The following IKZF5 variants were observed in gnomAD, a reference collection of about 807,000 sequenced individuals.
IKZF5 encodes zinc finger protein Pegasus.
IKZF5 carries 4 observed loss-of-function variants against 30.7 expected under a neutral mutation model. That is an observed-to-expected ratio of 0.13 (90% CI 0.06 to 0.30). The LOEUF (loss-of-function observed/expected upper bound fraction) is 0.30. IKZF5 is among the 10% of genes least tolerant of loss of function. The pLI is 1.00. For missense variants in IKZF5, 348 were observed against 525.5 expected, an observed-to-expected ratio of 0.66 and a Z score of 3.30; for synonymous variants, 148 against 179.6, an observed-to-expected ratio of 0.82 and a Z score of 1.41.
Position 122,994,616 on chromosome 10 carries a change from A to G in IKZF5, c.424T>C (p.Leu142=), listed in dbSNP as rs1271295579. Residue 142 remains leucine (L), a synonymous_variant, in exon 5 of 5, where the codon TTA becomes CTA. Transcript: ENST00000368886. This position sits in a 1 kb window ranked among gnomAD's most constrained non-coding sequence, Gnocchi z 5.6. Reference sequence around the variant, plus strand: ...CGATCACTGCAGCGGAAGGAACATAATTCACATTTGTATGGTTTTTCTCCA... The same window carrying G: ...CGATCACTGCAGCGGAAGGAACATAGTTCACATTTGTATGGTTTTTCTCCA... ...HTGEKPYKCE[L]CSFRCSDRSN... The G allele has an allele frequency of 1.9e-6, 3 of 1,614,186 alleles. No homozygotes were observed. The highest frequency in any genetic ancestry group is 2.5e-6 in the Non-Finnish European group (3 of 1,180,034).
intron 4 of IKZF5, among the ~76,000 whole-genome samples, chr10:122,995,188 AGAAAGCT>A (rs1849317708): frequency 1.3e-5 from 2 of 152,360 alleles, no homozygotes; most frequent in Admixed American, 1.3e-4. Flanking sequence ...TATATGAAAT[AGAAAGCT>A]CAGAATTGAA....
chr10:122,996,426 A>G (rs1231341532), intron 3 of IKZF5, among the ~76,000 whole-genome samples: 1 of 152,034 alleles, frequency 6.6e-6, no homozygotes, highest in Admixed American at 6.6e-5. Context: ...GCAGTGGCTC[A>G]TACCTGTAAT....
At chr10:122,997,178 C>A (rs1273578839) in intron 3 of IKZF5, 2 of 152,226 alleles carry the variant, frequency 1.3e-5, no homozygotes, top group South Asian at 2.1e-4. Context: ...GCTGGGACTA[C>A]AACCCTGGTC....
At chr10:122,999,597 C>T (rs894628393) in intron 2 of IKZF5, among the ~76,000 whole-genome samples, 1 of 152,228 alleles carries the variant, frequency 6.6e-6, no homozygotes, top group Non-Finnish European at 1.5e-5. Context: ...TAACAACAGG[C>T]GTTGAGCCAG....
chr10:122,999,827 CA>C (rs1416326653), intron 2 of IKZF5, among the ~76,000 whole-genome samples: 1 of 152,132 alleles, frequency 6.6e-6, no homozygotes, highest in African/African-American at 2.4e-5. Context: ...ATAAAATAGC[CA>C]AAAAAGTTTT....
Position 122,994,316 on chromosome 10 carries a change from C to G in IKZF5, c.724G>C (p.Asp242His). ...KTTPTGGLPR[D>H]PQELMVDNPL... is the part of the protein sequence containing the mutation. ...TTATCAACCATGAGTTCTTGGGGGTCCCTTGGAAGGCCACCAGTTGGTGTG... is the reference window on the plus strand; with the variant it reads ...TTATCAACCATGAGTTCTTGGGGGTGCCTTGGAAGGCCACCAGTTGGTGTG... Residue 242 changes from aspartate (D) to histidine (H), a missense_variant, in exon 5 of 5, where the codon GAC (aspartate) becomes CAC (histidine). By Grantham distance (81) the Asp-to-His change is moderately conservative. Transcript: ENST00000368886. The surrounding 1 kb of genome is among the most constrained non-coding windows in gnomAD (Gnocchi z 5.6). 2 of 1,613,958 alleles carry G rather than the reference C, an allele frequency of 1.2e-6. No individual in the cohort carries two copies. The highest frequency in any genetic ancestry group is 1.7e-6 in the Non-Finnish European group (2 of 1,180,016).
At chr10:123,002,553 G>A (rs1433979014) in intron 2 of IKZF5, among the ~76,000 whole-genome samples, 2 of 147,702 alleles carry the variant, frequency 1.4e-5, no homozygotes, top group Admixed American at 6.8e-5. Flanking sequence ...TGCCAGGCAC[G>A]GTGGCTCATA....
rs756835502 is a variant in IKZF5 at position 122,993,766 on chromosome 10, A to G, written c.*14T>C. 9 of 1,543,754 alleles carry G rather than the reference A, an allele frequency of 5.8e-6. No individual in the cohort carries two copies. The South Asian group carries it at 1.1e-4, about 19-fold the overall frequency. ...CAAAAACAGCAAAACTAAGTAAAATATGACTATTTTCAATCAATGTTGGTT... is the reference window on the plus strand; with the variant it reads ...CAAAAACAGCAAAACTAAGTAAAATGTGACTATTTTCAATCAATGTTGGTT... On this transcript the variant is annotated 3_prime_UTR_variant, in exon 5 of 5. Coordinates refer to ENST00000368886, the MANE Select transcript of IKZF5 (RefSeq NM_001372123.1).
chr10:123,005,809 A>G (rs1849759603), intron 2 of IKZF5, among the ~76,000 whole-genome samples: 1 of 152,226 alleles, frequency 6.6e-6, no homozygotes, highest in Non-Finnish European at 1.5e-5. Context: ...TGGCACCTTC[A>G]TATTAAGATT....
At chr10:123,004,277 C>A (rs1300797316) in intron 2 of IKZF5, among the ~76,000 whole-genome samples, 1 of 152,042 alleles carries the variant, frequency 6.6e-6, no homozygotes, top group African/African-American at 2.4e-5. Flanking sequence ...TCACTTCTTG[C>A]CAATCAGTTC....
chr10:123,005,585 G>A (rs537599639), intron 2 of IKZF5, among the ~76,000 whole-genome samples: 26 of 152,330 alleles, frequency 1.7e-4, no homozygotes, highest in African/African-American at 4.6e-4. Context: ...TGGACTGAAT[G>A]TTTATGTCCC....
Position 122,994,611 on chromosome 10 carries a change from A to G in IKZF5, c.429T>C (p.Cys143=), listed in dbSNP as rs1849293108. Residue 143 remains cysteine (C), a synonymous_variant, in exon 5 of 5, where the codon TGT becomes TGC. Coordinates refer to ENST00000368886, the MANE Select transcript of IKZF5 (RefSeq NM_001372123.1). The surrounding 1 kb of genome is among the most constrained non-coding windows in gnomAD (Gnocchi z 5.6). ...TACTTCGATCACTGCAGCGGAAGGA[A>G]CATAATTCACATTTGTATGGTTTTT... ...TGEKPYKCEL[C]SFRCSDRSNL... 1 of 1,614,196 alleles carries G rather than the reference A, an allele frequency of 6.2e-7. No homozygotes were observed. Among genetic ancestry groups the G allele is most frequent in the African/African-American group, 1.3e-5 (1 of 75,052 alleles).
In IKZF5 at chr10:122,994,763, G is replaced by T. The variant is rs753889659; in HGVS notation, c.317-40C>A. The T allele has an allele frequency of 1.4e-6, 2 of 1,479,926 alleles. No individual in the cohort carries two copies. Among genetic ancestry groups the T allele is most frequent in the Non-Finnish European group, 9.1e-7 (1 of 1,096,682 alleles). The allele number at this position is 1,479,926 out of a possible 1,614,324, so 91.7% of individuals were successfully genotyped here. On this transcript the variant is annotated intron_variant, in intron 4 of 4. Coordinates refer to ENST00000368886, the MANE Select transcript of IKZF5 (RefSeq NM_001372123.1). The surrounding 1 kb of genome is among the most constrained non-coding windows in gnomAD (Gnocchi z 5.6). ...AAATGATGGAGAAACTACAAGAGTA[G>T]TTCATTTATGGAAAGTTTTGCTTGT... is the stretch of plus-strand genomic sequence containing the variant.
Position 122,991,444 on chromosome 10 carries a change from C to CTA in IKZF5, c.*2334_*2335dup. The CTA allele has an allele frequency of 6.6e-6, 1 of 152,216 alleles. No individual in the cohort carries two copies. The highest frequency in any genetic ancestry group is 2.1e-4 in the South Asian group (1 of 4,826). The allele number at this position is 152,216 out of a possible 1,614,324, so 9.4% of individuals were successfully genotyped here. The stretch of plus-strand genomic sequence containing the variant: ...AACATTGCCTGTTAACGGCAAAGTA[C>CTA]TATAAATAGTGCATGTTAAACTCTT... On this transcript the variant is annotated 3_prime_UTR_variant, in exon 5 of 5. Transcript: ENST00000368886.
rs769520986 is a variant in IKZF5 at position 122,994,311 on chromosome 10, G to A, written c.729C>T (p.Pro243=). 2 of 1,614,052 alleles carry A rather than the reference G, an allele frequency of 1.2e-6. No homozygotes were observed. The highest frequency in any genetic ancestry group is 1.7e-6 in the Non-Finnish European group (2 of 1,180,008). The part of the protein sequence containing the change: ...TTPTGGLPRD[P]QELMVDNPLN... ...AAGGGTTATCAACCATGAGTTCTTG[G>A]GGGTCCCTTGGAAGGCCACCAGTTG... The change falls in exon 5 of 5, where the codon CCC becomes CCT. Residue 243 remains proline, a synonymous_variant. Coordinates refer to ENST00000368886, the MANE Select transcript of IKZF5 (RefSeq NM_001372123.1). This position sits in a 1 kb window ranked among gnomAD's most constrained non-coding sequence, Gnocchi z 5.6.
intron 3 of IKZF5, among the ~76,000 whole-genome samples, chr10:122,996,708 A>G (rs952314824): frequency 3.9e-5 from 6 of 152,170 alleles, no homozygotes; most frequent in Non-Finnish European, 8.8e-5. Flanking sequence ...TGTCTCAAAA[A>G]CAAAGAAAAC....
intron 2 of IKZF5, among the ~76,000 whole-genome samples, chr10:123,001,771 C>T (rs1205972104): frequency 6.6e-6 from 1 of 151,984 alleles, no homozygotes; most frequent in Admixed American, 6.6e-5. Context: ...CTTTGTTTTT[C>T]TTCTTCAAGA....
Position 122,998,578 on chromosome 10 carries a change from C to G in IKZF5, c.48G>C (p.Gln16His), listed in dbSNP as rs200964765. Reference protein sequence around the residue: ...PEPLDFVKDFQEYLTQQTHHV... With the variant: ...PEPLDFVKDFHEYLTQQTHHV... ...GATGGGTCTGCTGAGTCAGGTATTC[C>G]TGAAAATCTTTCACGAAGTCCAAAG... is the stretch of plus-strand genomic sequence containing the variant. The change falls in exon 3 of 5, where the codon CAG (glutamine) becomes CAC (histidine). Residue 16 changes from glutamine to histidine, a missense_variant. By Grantham distance (24) the Gln-to-His change is conservative. Coordinates refer to ENST00000368886, the MANE Select transcript of IKZF5 (RefSeq NM_001372123.1). 2.9e-4 allele frequency: 464 copies of G among 1,613,566 alleles called. No homozygotes were observed. The highest frequency in any genetic ancestry group is 3.5e-4 in the Non-Finnish European group (414 of 1,179,672).
chr10:123,006,412 AC>A (rs200017448), intron 2 of IKZF5, among the ~76,000 whole-genome samples: 45 of 151,350 alleles, frequency 3.0e-4, no homozygotes, highest in East Asian at 5.8e-4. Context: ...ATATATGTGC[AC>A]CCCCCCCAGC....
Sources: gnomAD v4.1 joint callset for allele counts (sites outside exome capture counted in the v4.1 genomes callset) on GRCh38, gnomAD v4.1.1 for gene constraint, Gnocchi (gnomAD v3.1) non-coding constraint, MANE v1.5 for transcripts, NCBI Gene and HGNC (gene_info 2026-07-23, HGNC 2026-07-21) for gene names.